SPG11: variants seen among roughly 807,000 people sequenced by gnomAD.
The protein encoded by SPG11 is spatacsin.
Under a neutral mutation model 274.0 loss-of-function variants are expected in SPG11, and 222 were observed. The ratio of observed to expected loss-of-function variants is 0.81; its 90% CI spans 0.73 to 0.91. The LOEUF (loss-of-function observed/expected upper bound fraction) is 0.91. SPG11 is among the 40% of genes least tolerant of loss of function. The pLI is 0.00. For missense variants in SPG11, 3,114 were observed against 2,872.7 expected (o/e 1.08, Z -1.92); for synonymous variants, 1,144 against 1,039.7 (o/e 1.10, Z -1.93).
chr15:44,580,664 G>A lies in SPG11; in HGVS notation c.5866+3150C>T, dbSNP rs145919130. On this transcript the variant is annotated intron_variant, in intron 30 of 39. Transcript: ENST00000261866. ...AAATTAGCTGGGTGTGGTGATGCAC[G>A]CCTGTAGTCCCAGCTACTTGGGAGG... is the stretch of plus-strand genomic sequence containing the variant. Among the ~76,000 whole-genome samples, 1,335 of 152,220 alleles carry A rather than the reference G, an allele frequency of 8.8e-3. 15 individuals are homozygous for A. Among genetic ancestry groups the A allele is most frequent in the African/African-American group, 0.031 (1,278 of 41,536 alleles).
intron 8 of SPG11, among the ~76,000 whole-genome samples, chr15:44,632,622 G>T (rs1265342231): frequency 6.6e-6 from 1 of 151,534 alleles, no homozygotes; most frequent in Non-Finnish European, 1.5e-5. Context: ...GCAATCCTCA[G>T]CCTCAGCCTT....
chr15:44,611,003 G>A lies in SPG11; in HGVS notation c.3146-18C>T, dbSNP rs540613714. ...TTTGGGATCTGGAAAATAAAAGACA[G>A]TGTTTTTCTCCTTAAGAGGGATAAA... On this transcript the variant is annotated intron_variant, in intron 17 of 39. Transcript: ENST00000261866. 2.0e-5 allele frequency: 31 copies of A among 1,513,876 alleles called. No individual in the cohort carries two copies. In the African/African-American group the frequency reaches 4.2e-4, roughly 20 times the overall value. The allele number at this position is 1,513,876 out of a possible 1,614,324, so 93.8% of individuals were successfully genotyped here. A position where few individuals can be genotyped will look rare whatever the true frequency, so the allele number is the denominator to read the frequency against.
Position 44,598,808 on chromosome 15 carries a change from CAT to C in SPG11, c.3713_3714del (p.Tyr1238CysfsTer26). ...ATGTGGAAGGAGGAGAGCCCTATAA[CAT>C]AGGCTTCATTGCCTACTTGCTGGAT... ...QLIQQVGNEA[Y>X]VIGLSSFHIP... On this transcript the variant is annotated frameshift_variant, in exon 22 of 40. Transcript: ENST00000261866. LOFTEE classifies it high-confidence loss of function. 1 of 1,614,198 alleles carries C rather than the reference CAT, an allele frequency of 6.2e-7. No homozygotes were observed. The highest frequency in any genetic ancestry group is 8.5e-7 in the Non-Finnish European group (1 of 1,180,018).
Position 44,620,295 on chromosome 15 carries a change from G to A in SPG11, c.2729C>T (p.Ala910Val), listed in dbSNP as rs1385924750. ...IGEFQTQHSY[A>V]SLQQNKWPLL... Reference sequence around the variant, plus strand: ...GGGCCATTTGTTCTGCTGAAGTGAAGCATAACTATGCTGGGTTTGAAATTC... The same window carrying A: ...GGGCCATTTGTTCTGCTGAAGTGAAACATAACTATGCTGGGTTTGAAATTC... The change falls in exon 15 of 40, where the codon GCT (alanine) becomes GTT (valine). Residue 910 changes from alanine to valine, a missense_variant. Ala to Val is a moderately conservative substitution (Grantham distance 64, BLOSUM62 0). Coordinates refer to ENST00000261866, the MANE Select transcript of SPG11 (RefSeq NM_025137.4). 6.2e-7 allele frequency: 1 copy of A among 1,613,964 alleles called. No individual in the cohort carries two copies. Among genetic ancestry groups the A allele is most frequent in the Non-Finnish European group, 8.5e-7 (1 of 1,179,942 alleles).
At chr15:44,582,132 A>G (rs1469073385) in intron 30 of SPG11, among the ~76,000 whole-genome samples, 1 of 152,198 alleles carries the variant, frequency 6.6e-6, no homozygotes, top group African/African-American at 2.4e-5. Flanking sequence ...TTACTGGTAA[A>G]TTCTACTAAG....
chr15:44,588,301 A>G (rs1430904344), intron 28 of SPG11, among the ~76,000 whole-genome samples: 3 of 151,842 alleles, frequency 2.0e-5, no homozygotes, highest in Non-Finnish European at 4.4e-5. Flanking sequence ...CTGCAAAAAA[A>G]AAAACAAACA....
At position 44,629,310 on chromosome 15, in the gene SPG11, T is replaced by C; in HGVS notation, c.1814A>G (p.His605Arg). ...AAGATTAAGCAATTGTTCTGAAAAGTGTTTGCTTTGGGGTTCAGAATAACT... is the reference window on the plus strand; with the variant it reads ...AAGATTAAGCAATTGTTCTGAAAAGCGTTTGCTTTGGGGTTCAGAATAACT... ...RESYSEPQSK[H>R]FSEQLLNLTL... Residue 605 changes from histidine (H) to arginine (R), a missense_variant, in exon 9 of 40, where the codon CAC becomes CGC. Physicochemically the swap from His to Arg is conservative, Grantham distance 29 (BLOSUM62 0). Transcript: ENST00000261866. The C allele has an allele frequency of 1.2e-6, 2 of 1,614,122 alleles. No homozygotes were observed. The highest frequency in any genetic ancestry group is 1.7e-6 in the Non-Finnish European group (2 of 1,179,960).
In SPG11 at chr15:44,589,286, CT is replaced by C; in HGVS notation, c.4871del (p.Gln1624ArgfsTer16). ...AGAGATGCTCTCTTTCAACAAAGAGCTGTAAAAGCTTCCCCAGCTCATACTG... is the reference window on the plus strand; with the variant it reads ...AGAGATGCTCTCTTTCAACAAAGAGCGTAAAAGCTTCCCCAGCTCATACTG... The part of the protein sequence containing the change: ...KTQYELGKLL[Q>X]LFVEREHLFS... On this transcript the variant is annotated frameshift_variant, in exon 28 of 40. Transcript: ENST00000261866. LOFTEE classifies it high-confidence loss of function. 6.2e-7 allele frequency: 1 copy of C among 1,614,116 alleles called. No homozygotes were observed. The highest frequency in any genetic ancestry group is 1.1e-5 in the South Asian group (1 of 91,084).
chr15:44,572,119 A>G (rs1339676195), intron 33 of SPG11, among the ~76,000 whole-genome samples: 2 of 152,282 alleles, frequency 1.3e-5, no homozygotes, highest in African/African-American at 4.8e-5. Flanking sequence ...TTCATTATAT[A>G]TAAGAAATCT....
chr15:44,598,970 C>T, intron 21 of SPG11, 134 bp from the exon 22 acceptor site: 5 of 890,502 alleles, frequency 5.6e-6, no homozygotes, highest in South Asian at 1.5e-5. Flanking sequence ...TTACCTTTTG[C>T]CCCTTGCACA....
intron 26 of SPG11, among the ~76,000 whole-genome samples, chr15:44,594,927 C>G (rs1040207594): frequency 6.6e-6 from 1 of 152,194 alleles, no homozygotes; most frequent in Non-Finnish European, 1.5e-5. Flanking sequence ...AGCAATTATC[C>G]TGCCTCAGCC....
Position 44,648,917 on chromosome 15 carries a change from A to G in SPG11, c.1551T>C (p.Leu517=). 6.2e-7 allele frequency: 1 copy of G among 1,614,144 alleles called. No homozygotes were observed. Among genetic ancestry groups the G allele is most frequent in the Non-Finnish European group, 8.5e-7 (1 of 1,180,006 alleles). ...ACCTTCCCCAGCCATTGAGATGACA[A>G]AGAGTGTCCACAGTGCTGGCACTTC... The part of the protein sequence containing the change: ...IHGSASTVDT[L]CHLNGWGRCS... Residue 517 remains leucine, a synonymous_variant, in exon 7 of 40, where the codon CTT becomes CTC. Coordinates refer to ENST00000261866, the MANE Select transcript of SPG11 (RefSeq NM_025137.4).
chr15:44,571,644 C>A (rs1486444938), intron 33 of SPG11, among the ~76,000 whole-genome samples: 1 of 151,236 alleles, frequency 6.6e-6, no homozygotes, highest in Non-Finnish European at 1.5e-5. Flanking sequence ...ACTACAGGCA[C>A]CTGCAACCAT....
chr15:44,585,915 T>A (rs898311432), intron 28 of SPG11, 65 bp from the exon 29 acceptor site: 8 of 1,338,380 alleles, frequency 6.0e-6, no homozygotes, highest in Admixed American at 5.1e-5. Flanking sequence ...ATTTCAAGAG[T>A]AATACATATC....
intron 11 of SPG11, among the ~76,000 whole-genome samples, chr15:44,624,372 A>G (rs1469456463): frequency 6.6e-6 from 1 of 152,094 alleles, no homozygotes; most frequent in African/African-American, 2.4e-5. Flanking sequence ...CTGCAATTTT[A>G]AACAACATGG....
At chr15:44,634,964 A>T (rs1167381349) in intron 7 of SPG11, among the ~76,000 whole-genome samples, 5 of 151,868 alleles carry the variant, frequency 3.3e-5, no homozygotes. Context: ...CATGCCTGTA[A>T]TCCCAGCTTG....
intron 19 of SPG11, among the ~76,000 whole-genome samples, chr15:44,607,430 T>G (rs993124240): frequency 6.6e-6 from 1 of 152,166 alleles, no homozygotes; most frequent in African/African-American, 2.4e-5. Context: ...TATAGGCACG[T>G]GCCACCATGC....
intron 4 of SPG11, among the ~76,000 whole-genome samples, chr15:44,654,057 A>C (rs562688107): frequency 1.3e-5 from 2 of 152,288 alleles, no homozygotes; most frequent in South Asian, 2.1e-4. Context: ...GGACTCAAGC[A>C]ATCCTCCTGC....
chr15:44,632,130 G>C (rs1010994395), intron 8 of SPG11, among the ~76,000 whole-genome samples: 1 of 152,002 alleles, frequency 6.6e-6, no homozygotes, highest in South Asian at 2.1e-4. Context: ...TTTTACATAA[G>C]GATTATATCA....
Sources: allele counts gnomAD v4.1 joint callset (sites outside exome capture counted in the v4.1 genomes callset), GRCh38; gene constraint gnomAD v4.1.1; transcripts MANE v1.5; gene names NCBI Gene and HGNC (gene_info 2026-07-23, HGNC 2026-07-21).